RANBP17: variants seen among roughly 807,000 people sequenced by gnomAD.
RANBP17 encodes RAN binding protein 17, also known as ran-binding protein 17.
RANBP17 carries 158 observed loss-of-function variants against 141.2 expected under a neutral mutation model. The observed-to-expected ratio is 1.12, with a 90% confidence interval of 0.98 to 1.28. RANBP17 has a LOEUF of 1.28. RANBP17 is among the 50% of genes most tolerant of loss of function. The pLI is 0.00. For synonymous variants in RANBP17, 430 were observed against 450.0 expected (o/e 0.96, Z 0.56); for missense variants, 1,438 against 1,290.7 (o/e 1.11, Z -1.75).
rs530901295 is a variant in RANBP17, at chr5:171,204,169, C to G, written c.2143-1355C>G. Among the ~76,000 whole-genome samples the G allele has an allele frequency of 3.9e-5, 6 of 152,192 alleles. No homozygotes were observed. The East Asian group carries it at 1.2e-3, about 29-fold the overall frequency. On this transcript the variant is annotated intron_variant, in intron 19 of 27. Coordinates refer to ENST00000523189, the MANE Select transcript of RANBP17 (RefSeq NM_022897.5). Reference sequence around the variant, plus strand: ...AAAAGGAGTAAGTAATTTAAAGGAGCAGAAACAAAAATTCAGAGTTTTCAA... The same window carrying G: ...AAAAGGAGTAAGTAATTTAAAGGAGGAGAAACAAAAATTCAGAGTTTTCAA...
At position 170,955,681 on chromosome 5, in the gene RANBP17, T is replaced by TATATATATATATATATACAC. The variant is rs769742239; in HGVS notation, c.1574+1980_1574+1981insTATATATATATATATACACA. Among the ~76,000 whole-genome samples, 40 of 39,094 alleles carry TATATATATATATATATACAC rather than the reference T, an allele frequency of 1.0e-3. 3 individuals carry two copies. Among genetic ancestry groups the TATATATATATATATATACAC allele is most frequent in the South Asian group, 1.5e-3 (1 of 666 alleles). 25.6% of individuals were successfully genotyped at this position (39,094 alleles called of 152,430 possible). A position where few individuals can be genotyped will look rare whatever the true frequency, so the allele number is the denominator to read the frequency against. On this transcript the variant is annotated intron_variant, in intron 13 of 27. Transcript: ENST00000523189. Reference sequence around the variant, plus strand: ...ATATATATATATATATATATATATATACACTGAATGAACTCTGTAGAGGAA... The same window carrying TATATATATATATATATACAC: ...ATATATATATATATATATATATATATATATATATATATATATACACACACTGAATGAACTCTGTAGAGGAA...
chr5:170,938,224 G>A (rs1273574819), intron 12 of RANBP17, among the ~76,000 whole-genome samples: 1 of 152,140 alleles, frequency 6.6e-6, no homozygotes, highest in Non-Finnish European at 1.5e-5. Flanking sequence ...AGCAAGATAG[G>A]TGTACCAACC....
intron 3 of RANBP17, among the ~76,000 whole-genome samples, chr5:170,887,387 T>C (rs1000348791): frequency 4.6e-5 from 7 of 152,200 alleles, no homozygotes; most frequent in African/African-American, 1.7e-4. Context: ...TTAGATTTTC[T>C]CTTATTTTAT....
At chr5:171,147,165 C>T (rs1339758977) in intron 14 of RANBP17, among the ~76,000 whole-genome samples, 1 of 151,904 alleles carries the variant, frequency 6.6e-6, no homozygotes, top group Non-Finnish European at 1.5e-5. Flanking sequence ...AGCCCCACAA[C>T]AAAGAATTAT....
At chr5:171,293,795 G>C (rs1361242632) in intron 25 of RANBP17, 88 bp from the exon 26 acceptor site, 1 of 917,954 alleles carries the variant, frequency 1.1e-6, no homozygotes, top group Non-Finnish European at 1.8e-6. Context: ...GCAAGATGGA[G>C]GGGTGGAATC....
chr5:170,934,385 G>C (rs975834857), intron 12 of RANBP17, among the ~76,000 whole-genome samples: 16 of 152,134 alleles, frequency 1.1e-4, no homozygotes, highest in Admixed American at 4.6e-4. Context: ...GATGTTAGCT[G>C]GTTATTTTGC....
intron 3 of RANBP17, among the ~76,000 whole-genome samples, chr5:170,885,775 T>G (rs969838902): frequency 2.6e-5 from 4 of 152,188 alleles, no homozygotes; most frequent in Admixed American, 1.3e-4. Flanking sequence ...TATATTTGAT[T>G]TTTAAAAAAT....
At chr5:171,124,557 C>T (rs918572059) in intron 14 of RANBP17, among the ~76,000 whole-genome samples, 38 of 151,988 alleles carry the variant, frequency 2.5e-4, no homozygotes, top group African/African-American at 8.9e-4. Flanking sequence ...AGGTCTTCTC[C>T]AGATCACATC....
chr5:170,964,206 C>T (rs1281436700), intron 13 of RANBP17, among the ~76,000 whole-genome samples: 2 of 151,952 alleles, frequency 1.3e-5, no homozygotes, highest in African/African-American at 2.4e-5. Flanking sequence ...TTATGCTGTT[C>T]GAGTGAGTAG....
chr5:171,075,779 C>T (rs892311105), intron 14 of RANBP17, among the ~76,000 whole-genome samples: 1 of 152,032 alleles, frequency 6.6e-6, no homozygotes, highest in Non-Finnish European at 1.5e-5. Flanking sequence ...ATGGCGAAAC[C>T]CTGTCTCTGC....
At chr5:170,887,571 A>G (rs529588654) in intron 3 of RANBP17, among the ~76,000 whole-genome samples, 44 of 152,286 alleles carry the variant, frequency 2.9e-4, no homozygotes, top group African/African-American at 1.0e-3. Context: ...GATTCATAAC[A>G]TATTTTGTTA....
intron 20 of RANBP17, chr5:171,207,310 C>T (rs2127964070): frequency 6.6e-6 from 1 of 152,324 alleles, no homozygotes; most frequent in East Asian, 1.9e-4. Context: ...TCAACAGTTT[C>T]AACCAAGAGT....
intron 14 of RANBP17, among the ~76,000 whole-genome samples, chr5:171,024,506 C>G (rs1312159862): frequency 6.6e-6 from 1 of 152,122 alleles, no homozygotes; most frequent in East Asian, 1.9e-4. Context: ...AATTGCCAAT[C>G]CTTAACATAA....
At chr5:171,116,876 A>G (rs1755670194) in intron 14 of RANBP17, among the ~76,000 whole-genome samples, 1 of 151,722 alleles carries the variant, frequency 6.6e-6, no homozygotes, top group South Asian at 2.1e-4. Context: ...TATGAGACCA[A>G]CTCTTTCTTA....
intron 20 of RANBP17, among the ~76,000 whole-genome samples, chr5:171,212,030 G>C (rs1762924812): frequency 6.6e-6 from 1 of 152,134 alleles, no homozygotes; most frequent in Non-Finnish European, 1.5e-5. Context: ...GCTTATAATA[G>C]GAGAGATATA....
chr5:171,172,868 T>TTA (rs1760197253), intron 16 of RANBP17, among the ~76,000 whole-genome samples: 1 of 151,916 alleles, frequency 6.6e-6, no homozygotes, highest in Non-Finnish European at 1.5e-5. Context: ...AATTCAAATA[T>TTA]TATAGCCTTT....
chr5:170,951,757 G>A (rs1445067370), intron 12 of RANBP17, among the ~76,000 whole-genome samples: 1 of 152,070 alleles, frequency 6.6e-6, no homozygotes, highest in South Asian at 2.1e-4. Flanking sequence ...TGTTCAAAAA[G>A]TGATAGGCTC....
chr5:171,295,015 A>G (rs1768730388), intron 26 of RANBP17, among the ~76,000 whole-genome samples: 1 of 152,236 alleles, frequency 6.6e-6, no homozygotes, highest in Non-Finnish European at 1.5e-5. Context: ...TGGTTTAAGT[A>G]TAATGCCTCT....
chr5:171,159,222 T>C (rs939106868), intron 14 of RANBP17, among the ~76,000 whole-genome samples: 11 of 152,196 alleles, frequency 7.2e-5, no homozygotes, highest in African/African-American at 2.7e-4. Context: ...CTGTATCACA[T>C]TGGCTATGTA....
Sources: allele counts gnomAD v4.1 joint callset (sites outside exome capture counted in the v4.1 genomes callset), GRCh38; gene constraint gnomAD v4.1.1; transcripts MANE v1.5; gene names NCBI Gene and HGNC (gene_info 2026-07-23, HGNC 2026-07-21).